Variants in CD200 observed in about 807,000 individuals in gnomAD.
CD200 encodes OX-2 membrane glycoprotein.
Under a neutral mutation model 30.9 loss-of-function variants are expected in CD200, and 15 were observed. The observed-to-expected ratio is 0.49, with a 90% CI of 0.32 to 0.75. The LOEUF (loss-of-function observed/expected upper bound fraction) is 0.75, where lower values mean the gene tolerates loss of function less well. CD200 is among the 30% of genes least tolerant of loss of function. CD200 has a pLI of 0.03. For missense variants in CD200, 262 were observed against 324.2 expected, an observed-to-expected ratio of 0.81 and a Z score of 1.47; for synonymous variants, 134 against 126.2, an observed-to-expected ratio of 1.06 and a Z score of -0.41.
intron 1 of CD200, chr3:112,335,944 C>T (rs1347183970): frequency 6.2e-7 from 1 of 1,608,526 alleles, no homozygotes; most frequent in Non-Finnish European, 8.5e-7. Flanking sequence ...AAACCACAGA[C>T]TCTGACCAGG....
chr3:112,353,107 A>C (rs1470274544), intron 5 of CD200, among the ~76,000 whole-genome samples: 2 of 152,220 alleles, frequency 1.3e-5, no homozygotes, highest in Non-Finnish European at 2.9e-5. Context: ...TTTCTATTAA[A>C]ACCCAGTGAT....
intron 2 of CD200, among the ~76,000 whole-genome samples, chr3:112,342,845 C>T (rs1018873434): frequency 6.6e-6 from 1 of 152,056 alleles, no homozygotes; most frequent in African/African-American, 2.4e-5. Flanking sequence ...ATGTAAATTT[C>T]TAATTTTATT....
In CD200 at chr3:112,338,890, A is replaced by G. The variant is rs75022386; in HGVS notation, c.13-2012A>G. On this transcript the variant is annotated intron_variant, in intron 1 of 5. Coordinates refer to ENST00000315711, the MANE Select transcript of CD200 (RefSeq NM_005944.7). ...AATTATGGTTATGAGCTCTGAAACC[A>G]GACTGCCTGGGCTTAAATCCCTTCT... 1.6e-3 allele frequency among the ~76,000 whole-genome samples: 238 copies of G among 152,338 alleles called. 1 individual carries two copies. The highest frequency in any genetic ancestry group is 5.5e-3 in the African/African-American group (229 of 41,580).
At chr3:112,350,078 CAAAG>C in intron 5 of CD200, 1 of 634,534 alleles carries the variant, frequency 1.6e-6, no homozygotes, top group Non-Finnish European at 2.0e-6. Context: ...GTGATAGAAC[CAAAG>C]AAAGAAGTCT....
intron 1 of CD200, among the ~76,000 whole-genome samples, chr3:112,335,373 T>C (rs1559778313): frequency 6.6e-6 from 1 of 152,120 alleles, no homozygotes; most frequent in Non-Finnish European, 1.5e-5. Flanking sequence ...GGAAGAGAAG[T>C]CACAAGGAAG....
Position 112,349,816 on chromosome 3 carries a change from C to T in CD200, c.799C>T (p.Arg267Ter), listed in dbSNP as rs758841257. 1.4e-5 allele frequency: 23 copies of T among 1,605,818 alleles called. No homozygotes were observed. Among genetic ancestry groups the T allele is most frequent in the South Asian group, 3.4e-5 (3 of 88,722 alleles). Reference protein sequence around the residue: ...LYWKRHRNQDREP With the variant: ...LYWKRHRNQD ...CTGGAAACGTCACCGGAATCAGGAC[C>T]GAGGTGAGTTGTCACAGGGAGTTCA... Residue 267 changes from arginine to a stop codon, truncating the protein, a stop_gained, in exon 5 of 6, where the codon CGA becomes TGA. Transcript: ENST00000315711. LOFTEE classifies it high-confidence loss of function.
intron 5 of CD200, among the ~76,000 whole-genome samples, chr3:112,352,983 T>G (rs1252344302): frequency 6.6e-6 from 1 of 152,188 alleles, no homozygotes; most frequent in Non-Finnish European, 1.5e-5. Flanking sequence ...ACAGTAAGAC[T>G]AATAAGATTT....
intron 1 of CD200, among the ~76,000 whole-genome samples, chr3:112,337,159 G>A (rs1407300425): frequency 2.6e-5 from 4 of 152,150 alleles, no homozygotes; most frequent in Non-Finnish European, 5.9e-5. Context: ...GAAAGCAGAT[G>A]GGTGTGTTCA....
rs1559783516 is a variant in CD200 at position 112,342,401 on chromosome 3, CTTTCTTTCTTTCTTTCT to C, written c.94+1421_94+1437del. 1.6e-4 allele frequency among the ~76,000 whole-genome samples: 9 copies of C among 57,154 alleles called. 3 individuals carry two copies. Among genetic ancestry groups the C allele is most frequent in the African/African-American group, 5.7e-4 (8 of 14,146 alleles). 37.5% of individuals were successfully genotyped at this position (57,154 alleles called of 152,430 possible). A position where few individuals can be genotyped will look rare whatever the true frequency, so the allele number is the denominator to read the frequency against. On this transcript the variant is annotated intron_variant, in intron 2 of 5. Transcript: ENST00000315711. ...TCTTTCTTTCTTTCTTTCTTTCTTT[CTTTCTTTCTTTCTTTCT>C]TTCTTTCTTTCTTCTCTCTCTTTCT...
chr3:112,350,991 T>G (rs1237694236), intron 5 of CD200, among the ~76,000 whole-genome samples: 1 of 152,174 alleles, frequency 6.6e-6, no homozygotes, highest in African/African-American at 2.4e-5. Context: ...GGAGAGAAGA[T>G]TACAAATCAG....
At chr3:112,332,949 C>A, upstream of CD200, 1 of 539,454 alleles carries the variant, frequency 1.9e-6, no homozygotes, top group Non-Finnish European at 3.3e-6. Context: ...AACACTTTGT[C>A]AGTTTCCCCA....
At chr3:112,350,000 A>G in intron 5 of CD200, 181 bp downstream of exon 5, 1 of 981,992 alleles carries the variant, frequency 1.0e-6, no homozygotes, top group Non-Finnish European at 1.2e-6. Flanking sequence ...TTGCAATTGG[A>G]CATTAAATTG....
Position 112,344,994 on chromosome 3 carries a change from C to T in CD200, c.127C>T (p.Leu43=), listed in dbSNP as rs150151201. The change falls in exon 3 of 6, where the codon CTG becomes TTG. Residue 43 remains leucine (L), a synonymous_variant. Coordinates refer to ENST00000315711, the MANE Select transcript of CD200 (RefSeq NM_005944.7). ...GGTGACCCAGGATGAAAGAGAGCAG[C>T]TGTACACACCTGCTTCCTTAAAATG... ...QVVTQDEREQ[L]YTPASLKCSL... is the part of the protein sequence containing the mutation. 1.9e-5 allele frequency: 31 copies of T among 1,613,598 alleles called. No individual in the cohort carries two copies. In the African/African-American group the frequency reaches 4.0e-4, roughly 21 times the overall value.
chr3:112,361,423 A>G lies in CD200; in HGVS notation c.803-120A>G, dbSNP rs993611775. The G allele has an allele frequency of 3.6e-5, 30 of 841,930 alleles. 1 individual carries two copies. The highest frequency in any genetic ancestry group is 9.3e-5 in the Admixed American group (5 of 53,914). 52.2% of individuals were successfully genotyped at this position (841,930 alleles called of 1,614,324 possible). On this transcript the variant is annotated intron_variant, in intron 5 of 5. Coordinates refer to ENST00000315711, the MANE Select transcript of CD200 (RefSeq NM_005944.7). The stretch of plus-strand genomic sequence containing the variant: ...AATGTCTACTTCTTTATCTTTGCCA[A>G]TGAATATACACTAGAATAACTCTGT...
At chr3:112,342,338 C>CTTCCT (rs2081269162) in intron 2 of CD200, among the ~76,000 whole-genome samples, 1 of 21,906 alleles carries the variant, frequency 4.6e-5, no homozygotes, top group Non-Finnish European at 9.0e-5. Context: ...TCTTTCTTTC[C>CTTCCT]TTCTTTCTTT....
At chr3:112,354,860 C>T (rs1020071346) in intron 5 of CD200, among the ~76,000 whole-genome samples, 9 of 152,114 alleles carry the variant, frequency 5.9e-5, no homozygotes, top group Admixed American at 3.9e-4. Context: ...TAGAGACTGC[C>T]CACTTTCCTT....
At chr3:112,348,363 CTG>C (rs924740370) in intron 4 of CD200, among the ~76,000 whole-genome samples, 4 of 152,322 alleles carry the variant, frequency 2.6e-5, no homozygotes, top group Non-Finnish European at 4.4e-5. Flanking sequence ...ATAATCTACA[CTG>C]TGAGAAAGGG....
intron 4 of CD200, 33 bp downstream of exon 4, chr3:112,347,863 T>C (rs2081436508): frequency 6.3e-7 from 1 of 1,596,930 alleles, no homozygotes; most frequent in Non-Finnish European, 8.5e-7. Context: ...GCTGTGGTTG[T>C]GTCTGTGTGC....
In CD200 at chr3:112,333,204, G is replaced by T. The variant is rs1309075695; in HGVS notation, c.-9G>T. Reference sequence around the variant, plus strand: ...GTCAGCCACCTCGCGCGCGCCTCCAGGAGCAAGGATGGAGAGGCTGGTGAG... The same window carrying T: ...GTCAGCCACCTCGCGCGCGCCTCCATGAGCAAGGATGGAGAGGCTGGTGAG... On this transcript the variant is annotated 5_prime_UTR_variant, in exon 1 of 6. The change creates a new upstream start codon in the 5' untranslated region. Coordinates refer to ENST00000315711, the MANE Select transcript of CD200 (RefSeq NM_005944.7). 3.9e-6 allele frequency: 6 copies of T among 1,549,986 alleles called. No homozygotes were observed. The highest frequency in any genetic ancestry group is 5.2e-6 in the Non-Finnish European group (6 of 1,146,612).
Sources: gnomAD v4.1 joint callset for allele counts (sites outside exome capture counted in the v4.1 genomes callset) on GRCh38, gnomAD v4.1.1 for gene constraint, MANE v1.5 for transcripts, NCBI Gene and HGNC (gene_info 2026-07-23, HGNC 2026-07-21) for gene names.